SLC43A1: variants seen among roughly 807,000 people sequenced by gnomAD.
SLC43A1 encodes solute carrier family 43 member 1.
A neutral mutation model predicts 59.5 loss-of-function variants in SLC43A1; 31 were observed. The ratio of observed to expected loss-of-function variants is 0.52; its 90% CI spans 0.39 to 0.70. The LOEUF is 0.70. Among genes scored for constraint, SLC43A1 ranks in the 30% least tolerant of loss-of-function variants. SLC43A1 has a pLI of 0.00. For synonymous variants in SLC43A1, 259 were observed against 290.9 expected, an observed-to-expected ratio of 0.89 and a Z score of 1.12; for missense variants, 598 against 717.8, an observed-to-expected ratio of 0.83 and a Z score of 1.91.
chr11:57,503,989 C>G (rs111431802), intron 2 of SLC43A1, among the ~76,000 whole-genome samples: 1,635 of 152,026 alleles, frequency 0.011, 29 homozygotes, highest in African/African-American at 0.037. Flanking sequence ...GTCAGGAGAT[C>G]GAGACCATCC....
intron 14 of SLC43A1, 135 bp downstream of exon 14, chr11:57,486,960 C>G: frequency 1.1e-6 from 1 of 883,292 alleles, no homozygotes; most frequent in South Asian, 1.7e-5. Flanking sequence ...AGGCAGACAA[C>G]TTGGAAACCT....
At chr11:57,491,675 G>A (rs375084625) in intron 9 of SLC43A1, 41 bp downstream of exon 9, 45 of 1,614,034 alleles carry the variant, frequency 2.8e-5, no homozygotes, top group Middle Eastern at 1.6e-4. Context: ...AGGGTGACCC[G>A]CCTGTGCCCC....
At position 57,489,330 on chromosome 11, in the gene SLC43A1, G is replaced by A. The variant is rs555013449; in HGVS notation, c.1256C>T (p.Ala419Val). Reference sequence around the variant, plus strand: ...GTTGGTCAGGGTGAAGGCACTGATGGCATTGGTGAGCTTTTGGATCTTGCA... The same window carrying A: ...GTTGGTCAGGGTGAAGGCACTGATGACATTGGTGAGCTTTTGGATCTTGCA... ...RYCKIQKLTNAISAFTLTNLL... is the reference protein window; with the variant it reads ...RYCKIQKLTNVISAFTLTNLL... The change falls in exon 12 of 15, where the codon GCC becomes GTC. Residue 419 changes from alanine (A) to valine (V), a missense_variant. Physicochemically the swap from Ala to Val is moderately conservative, Grantham distance 64. Coordinates refer to ENST00000278426, the MANE Select transcript of SLC43A1 (RefSeq NM_003627.6). The A allele has an allele frequency of 1.2e-6, 2 of 1,614,160 alleles. No homozygotes were observed. The highest frequency in any genetic ancestry group is 2.2e-5 in the South Asian group (2 of 91,084).
intron 2 of SLC43A1, among the ~76,000 whole-genome samples, chr11:57,504,179 A>G (rs977591340): frequency 3.3e-5 from 5 of 152,204 alleles, no homozygotes; most frequent in African/African-American, 1.2e-4. Context: ...CCTGGGTGAC[A>G]GAGCAAGACT....
intron 8 of SLC43A1, among the ~76,000 whole-genome samples, chr11:57,492,561 T>A (rs866830379): frequency 9.9e-5 from 8 of 80,850 alleles, no homozygotes; most frequent in East Asian, 2.8e-4. Flanking sequence ...TATATATATA[T>A]ATATATATAT....
At chr11:57,495,968 T>C in intron 7 of SLC43A1, 63 bp downstream of exon 7, 1 of 1,567,542 alleles carries the variant, frequency 6.4e-7, no homozygotes, top group Non-Finnish European at 8.7e-7. Flanking sequence ...GTTAATTCCG[T>C]CTATCATATC....
At position 57,484,892 on chromosome 11, in the gene SLC43A1, A is replaced by C; in HGVS notation, c.*204T>G. On this transcript the variant is annotated 3_prime_UTR_variant, in exon 15 of 15. Coordinates refer to ENST00000278426, the MANE Select transcript of SLC43A1 (RefSeq NM_003627.6). Reference sequence around the variant, plus strand: ...CTAGGATAGGGACTGTCTTCAGTCAATGGAGCGTTGACTTAGGGGGCGTTT... The same window carrying C: ...CTAGGATAGGGACTGTCTTCAGTCACTGGAGCGTTGACTTAGGGGGCGTTT... The C allele has an allele frequency of 1.8e-6, 1 of 544,322 alleles. No individual in the cohort carries two copies. The highest frequency in any genetic ancestry group is 3.4e-5 in the East Asian group (1 of 29,336). 33.7% of individuals were successfully genotyped at this position (544,322 alleles called of 1,614,324 possible).
intron 7 of SLC43A1, among the ~76,000 whole-genome samples, chr11:57,495,426 C>G (rs1370616060): frequency 1.3e-5 from 2 of 151,854 alleles, no homozygotes; most frequent in African/African-American, 4.8e-5. Context: ...CCACTGCACT[C>G]CAGCCTGGGC....
intron 11 of SLC43A1, among the ~76,000 whole-genome samples, chr11:57,489,962 G>A (rs1281763284): frequency 6.6e-6 from 1 of 152,190 alleles, no homozygotes; most frequent in Non-Finnish European, 1.5e-5. Context: ...CGGCCCATGT[G>A]TCCTGGACAG....
intron 5 of SLC43A1, among the ~76,000 whole-genome samples, chr11:57,499,340 A>T (rs1944186601): frequency 6.6e-6 from 1 of 151,482 alleles, no homozygotes; most frequent in African/African-American, 2.4e-5. Context: ...AAAAAAAAAA[A>T]TGGTGTTTAA....
chr11:57,487,241 C>G lies in SLC43A1; in HGVS notation c.1410-23G>C, dbSNP rs771297193. The G allele has an allele frequency of 5.0e-6, 8 of 1,608,254 alleles. No homozygotes were observed. The South Asian group carries it at 8.8e-5, about 18-fold the overall frequency. On this transcript the variant is annotated intron_variant, in intron 13 of 14. Transcript: ENST00000278426. ...AACCTGTCCACGAGACGGGGAGTAT[C>G]AGGGGTGTGTGGCCCTCTCCAGCCC...
intron 6 of SLC43A1, among the ~76,000 whole-genome samples, chr11:57,496,605 C>T (rs1321827913): frequency 1.3e-5 from 2 of 152,194 alleles, no homozygotes; most frequent in Non-Finnish European, 2.9e-5. Context: ...GCACATTCCC[C>T]AGGGGAAAAG....
At chr11:57,501,825 C>A (rs1007439600) in intron 2 of SLC43A1, among the ~76,000 whole-genome samples, 3 of 152,140 alleles carry the variant, frequency 2.0e-5, no homozygotes, top group African/African-American at 7.2e-5. Flanking sequence ...CATGGTAAAA[C>A]CCCATCTCTA....
intron 2 of SLC43A1, among the ~76,000 whole-genome samples, chr11:57,509,577 G>C (rs1008990929): frequency 2.0e-5 from 3 of 146,842 alleles, no homozygotes; most frequent in African/African-American, 7.6e-5. Flanking sequence ...GACAGAGCAA[G>C]ATTCCGTCAG....
chr11:57,505,427 G>C (rs1351309739), intron 2 of SLC43A1, among the ~76,000 whole-genome samples: 1 of 151,848 alleles, frequency 6.6e-6, no homozygotes, highest in African/African-American at 2.4e-5. Flanking sequence ...CAGGAGAATC[G>C]CTTGAACCCA....
At chr11:57,512,764 C>T (rs998162004) in intron 2 of SLC43A1, among the ~76,000 whole-genome samples, 1 of 151,990 alleles carries the variant, frequency 6.6e-6, no homozygotes, top group Non-Finnish European at 1.5e-5. Context: ...AACCCCACCT[C>T]CTCCAGCCCC....
chr11:57,504,066 G>A (rs919598645), intron 2 of SLC43A1, among the ~76,000 whole-genome samples: 2 of 152,068 alleles, frequency 1.3e-5, no homozygotes, highest in Admixed American at 6.6e-5. Context: ...GCGTGGTGGT[G>A]GGCGCCCGTA....
chr11:57,486,303 A>G (rs930419488), intron 14 of SLC43A1, among the ~76,000 whole-genome samples: 2 of 152,208 alleles, frequency 1.3e-5, no homozygotes, highest in African/African-American at 4.8e-5. Context: ...CCTGTGCAAC[A>G]TGGCAAGACC....
chr11:57,501,234 A>G lies in SLC43A1; in HGVS notation c.250T>C (p.Ser84Pro). ...EMLNLGFTIG[S>P]FVLSATTLPL... ...AGGGTGGTGGCGCTGAGCACGAAGG[A>G]ACCAATGGTGAAGCCCAGGTTGAGC... The change falls in exon 3 of 15, where the codon TCC becomes CCC. Residue 84 changes from serine to proline, a missense_variant. By Grantham distance (74) the Ser-to-Pro change is moderately conservative. Transcript: ENST00000278426. 1 of 1,612,622 alleles carries G rather than the reference A, an allele frequency of 6.2e-7. No homozygotes were observed. Among genetic ancestry groups the G allele is most frequent in the Non-Finnish European group, 8.5e-7 (1 of 1,180,038 alleles).
Sources: gnomAD v4.1 joint callset for allele counts (sites outside exome capture counted in the v4.1 genomes callset) on GRCh38, gnomAD v4.1.1 for gene constraint, MANE v1.5 for transcripts, NCBI Gene and HGNC (gene_info 2026-07-23, HGNC 2026-07-21) for gene names.